SYT16: variants seen among roughly 807,000 people sequenced by gnomAD.
The protein encoded by SYT16 is synaptotagmin-16.
Under a neutral mutation model 61.4 loss-of-function variants are expected in SYT16, and 42 were observed. The ratio of observed to expected loss-of-function variants is 0.68; its 90% CI spans 0.53 to 0.89. The LOEUF (loss-of-function observed/expected upper bound fraction) is 0.89, where lower values mean the gene tolerates loss of function less well. SYT16 is among the 40% of genes least tolerant of loss of function. The probability of loss-of-function intolerance (pLI) is 0.00; values close to 1 mark genes in which losing one functional copy is unlikely to be tolerated. For synonymous variants in SYT16, 314 were observed against 302.3 expected (o/e 1.04, Z -0.40); for missense variants, 804 against 807.3 (o/e 1.00, Z 0.05).
intron 3 of SYT16, among the ~76,000 whole-genome samples, chr14:62,067,893 C>T (rs991146409): frequency 1.3e-5 from 2 of 152,010 alleles, no homozygotes; most frequent in Admixed American, 6.5e-5. Flanking sequence ...GGCTGAGGCA[C>T]GAGAATTGCT....
intron 3 of SYT16, among the ~76,000 whole-genome samples, chr14:62,017,369 T>A (rs2053730779): frequency 6.6e-6 from 1 of 152,176 alleles, no homozygotes; most frequent in Non-Finnish European, 1.5e-5. Context: ...CTAATCTCAT[T>A]CACATGCTGA....
At chr14:62,002,367 T>G (rs2053053037) in intron 3 of SYT16, among the ~76,000 whole-genome samples, 1 of 152,124 alleles carries the variant, frequency 6.6e-6, no homozygotes, top group African/African-American at 2.4e-5. Flanking sequence ...GTTACACAGT[T>G]TTGTCAATAT....
intron 1 of SYT16, among the ~76,000 whole-genome samples, chr14:61,864,606 G>A (rs1034206693): frequency 5.2e-5 from 8 of 152,394 alleles, no homozygotes; most frequent in Middle Eastern, 3.4e-3. Flanking sequence ...CGCTTCGGCC[G>A]CCGCCTCGCT....
At chr14:62,070,463 A>G in intron 4 of SYT16, among the ~76,000 whole-genome samples, 1 of 152,140 alleles carries the variant, frequency 6.6e-6, no homozygotes, top group African/African-American at 2.4e-5. Flanking sequence ...CAGCATCATC[A>G]TCCTAAATTT....
At chr14:61,934,914 A>G (rs867530382) in intron 1 of SYT16, among the ~76,000 whole-genome samples, 33 of 152,132 alleles carry the variant, frequency 2.2e-4, no homozygotes, top group African/African-American at 7.2e-4. Context: ...CATTATGGCA[A>G]TTTTATTATC....
At chr14:62,080,716 G>GA in intron 5 of SYT16, 118 bp from the exon 6 acceptor site, 1 of 985,518 alleles carries the variant, frequency 1.0e-6, no homozygotes, top group East Asian at 2.6e-5. Flanking sequence ...GATATAGAGG[G>GA]AATACACTGG....
At chr14:61,821,490 T>TG (rs1355755941) in intron 1 of SYT16, among the ~76,000 whole-genome samples, 1 of 152,066 alleles carries the variant, frequency 6.6e-6, no homozygotes, top group African/African-American at 2.4e-5. Context: ...AAGGCTTGAG[T>TG]GGGGCAGATC....
At chr14:61,988,193 A>G (rs1285529368) in intron 2 of SYT16, among the ~76,000 whole-genome samples, 1 of 152,196 alleles carries the variant, frequency 6.6e-6, no homozygotes, top group East Asian at 1.9e-4. Flanking sequence ...AGATTGGATG[A>G]CAATAAGATT....
At chr14:61,832,874 A>G (rs1350793922) in intron 1 of SYT16, among the ~76,000 whole-genome samples, 4 of 152,228 alleles carry the variant, frequency 2.6e-5, no homozygotes, top group African/African-American at 9.7e-5. Context: ...TTGCCAGAGT[A>G]TCTTATTCCT....
chr14:62,064,602 G>GT (rs996442693), intron 3 of SYT16, among the ~76,000 whole-genome samples: 8 of 152,138 alleles, frequency 5.3e-5, no homozygotes, highest in Non-Finnish European at 1.0e-4. Context: ...AATTTAAGAA[G>GT]TTTTTTCCAT....
Position 61,932,538 on chromosome 14 carries a change from TTCAC to T in SYT16, c.-324-37588_-324-37585del, listed in dbSNP as rs201529756. Among the ~76,000 whole-genome samples the T allele has an allele frequency of 6.4e-3, 980 of 152,186 alleles. 10 individuals are homozygous for T. The highest frequency in any genetic ancestry group is 0.021 in the African/African-American group (853 of 41,532). ...ATAAAACCATCAGATCTCGTGAGAA[TTCAC>T]TCACTATCATGAGAACAACATGGGG... On this transcript the variant is annotated intron_variant, in intron 1 of 7. Transcript: ENST00000683842.
chr14:61,863,900 T>C (rs1191813498), intron 1 of SYT16, among the ~76,000 whole-genome samples: 1 of 152,236 alleles, frequency 6.6e-6, no homozygotes, highest in Non-Finnish European at 1.5e-5. Context: ...CCTTTGCTCC[T>C]TTGTCAAAAA....
At chr14:62,041,317 C>T (rs1474860307) in intron 3 of SYT16, among the ~76,000 whole-genome samples, 2 of 152,190 alleles carry the variant, frequency 1.3e-5, no homozygotes, top group East Asian at 3.8e-4. Flanking sequence ...AACCATCACA[C>T]TTATTAACTA....
intron 3 of SYT16, among the ~76,000 whole-genome samples, chr14:62,046,196 T>G (rs939562853): frequency 3.3e-5 from 5 of 152,206 alleles, no homozygotes; most frequent in African/African-American, 1.2e-4. Flanking sequence ...ATTTCTCTGA[T>G]GGCCAGTGAT....
chr14:61,918,331 C>A (rs1201933263), intron 1 of SYT16, among the ~76,000 whole-genome samples: 6 of 152,088 alleles, frequency 3.9e-5, no homozygotes, highest in African/African-American at 9.7e-5. Flanking sequence ...ACCAAAGCAT[C>A]CCCCCAGAGC....
At chr14:61,945,954 C>T (rs529786314) in intron 1 of SYT16, among the ~76,000 whole-genome samples, 2 of 145,726 alleles carry the variant, frequency 1.4e-5, no homozygotes, top group African/African-American at 5.0e-5. Context: ...CAAACTAACA[C>T]ATGAAGAGAA....
At chr14:62,008,683 A>G (rs896923112) in intron 3 of SYT16, among the ~76,000 whole-genome samples, 3 of 150,444 alleles carry the variant, frequency 2.0e-5, no homozygotes, top group African/African-American at 7.3e-5. Flanking sequence ...TACATATAAC[A>G]TAATTTTGCA....
chr14:62,084,436 A>C, intron 7 of SYT16, 51 bp downstream of exon 7: 1 of 1,558,742 alleles, frequency 6.4e-7, no homozygotes, highest in Middle Eastern at 2.3e-4. Flanking sequence ...GGCAAGTGGA[A>C]AGCCCTGTCT....
At chr14:62,054,476 T>C (rs1435700029) in intron 3 of SYT16, among the ~76,000 whole-genome samples, 3 of 150,230 alleles carry the variant, frequency 2.0e-5, no homozygotes, top group African/African-American at 7.3e-5. Flanking sequence ...TCCTCCCACC[T>C]CAGCCTGACT....
Sources: allele counts gnomAD v4.1 joint callset (sites outside exome capture counted in the v4.1 genomes callset), GRCh38; gene constraint gnomAD v4.1.1; transcripts MANE v1.5; gene names NCBI Gene and HGNC (gene_info 2026-07-23, HGNC 2026-07-21).